The following CBR4 variants were observed in gnomAD, a reference collection of about 807,000 sequenced individuals.
CBR4 encodes the protein 3-oxoacyl-[acyl-carrier-protein] reductase.
Under a neutral mutation model 21.0 loss-of-function variants are expected in CBR4, and 22 were observed. The ratio of observed to expected loss-of-function variants is 1.05; its 90% CI spans 0.75 to 1.50. The LOEUF (loss-of-function observed/expected upper bound fraction) is 1.50. CBR4 is among the 40% of genes most tolerant of loss of function. CBR4 has a pLI of 0.00. For synonymous variants in CBR4, 100 were observed against 104.4 expected (o/e 0.96, Z 0.26); for missense variants, 302 against 286.3 (o/e 1.05, Z -0.40).
intron 3 of CBR4, among the ~76,000 whole-genome samples, chr4:169,006,132 C>A (rs1317361682): frequency 6.6e-6 from 1 of 152,150 alleles, no homozygotes. Context: ...TAAACCTCTA[C>A]ACAAGATTTA....
chr4:168,953,883 G>A (rs1051587648), intron 2 of CBR4, among the ~76,000 whole-genome samples: 23 of 152,056 alleles, frequency 1.5e-4, no homozygotes, highest in Non-Finnish European at 3.2e-4. Context: ...ATTTGTCCAA[G>A]CTCAAAGAAA....
At chr4:168,968,457 T>G (rs1290683658) in intron 2 of CBR4, among the ~76,000 whole-genome samples, 1 of 152,234 alleles carries the variant, frequency 6.6e-6, no homozygotes, top group East Asian at 1.9e-4. Context: ...ATGTATACTT[T>G]TGTCAATTCC....
chr4:168,986,551 G>GT (rs1048654560), downstream of CBR4, among the ~76,000 whole-genome samples: 2 of 152,164 alleles, frequency 1.3e-5, no homozygotes, highest in Admixed American at 6.5e-5. Context: ...GTTTTTTGTT[G>GT]TTTTTTTGTC....
chr4:168,956,488 TGTAGG>T (rs1560962176), intron 2 of CBR4, among the ~76,000 whole-genome samples: 1 of 149,084 alleles, frequency 6.7e-6, no homozygotes, highest in African/African-American at 2.5e-5. Context: ...GTCCCAGCTA[TGTAGG>T]AGGCTGAGGG....
intron 2 of CBR4, chr4:168,921,514 G>T: frequency 6.6e-7 from 1 of 1,519,070 alleles, no homozygotes; most frequent in Non-Finnish European, 9.0e-7. Flanking sequence ...AAATTTACAT[G>T]TATTTCTTTT....
intron 2 of CBR4, among the ~76,000 whole-genome samples, chr4:168,952,161 T>C (rs1319745031): frequency 6.6e-6 from 1 of 152,236 alleles, no homozygotes; most frequent in Non-Finnish European, 1.5e-5. Context: ...TTTGTAGACC[T>C]TGACTTCCAA....
chr4:168,941,949 C>T (rs962686951), intron 2 of CBR4, among the ~76,000 whole-genome samples: 4 of 152,008 alleles, frequency 2.6e-5, no homozygotes, highest in South Asian at 2.1e-4. Flanking sequence ...TTACTGCAGC[C>T]GTATTTACAG....
intron 2 of CBR4, among the ~76,000 whole-genome samples, chr4:168,944,608 T>C (rs772340195): frequency 6.6e-6 from 1 of 152,356 alleles, no homozygotes; most frequent in Admixed American, 6.5e-5. Flanking sequence ...CCATAAGGGA[T>C]AGTTTAATAA....
At position 168,922,100 on chromosome 4, in the gene CBR4, T is replaced by TACAC. The variant is rs1257662371; in HGVS notation, n.170-27336_170-27335insGTGT. On this transcript the variant is annotated intron_variant and non_coding_transcript_variant, in intron 2 of 3. Transcript: ENST00000509108. ...AGTTTTATATTTATATATATATATA[T>TACAC]ATACACACACACACACACACACACA... is the stretch of plus-strand genomic sequence containing the variant. Among the ~76,000 whole-genome samples the TACAC allele has an allele frequency of 9.5e-3, 920 of 96,564 alleles. 5 individuals are homozygous for TACAC. Among genetic ancestry groups the TACAC allele is most frequent in the Middle Eastern group, 0.026 (5 of 192 alleles). The allele number at this position is 96,564 out of a possible 152,430, so 63.3% of individuals were successfully genotyped here. A position where few individuals can be genotyped will look rare whatever the true frequency, so the allele number is the denominator to read the frequency against.
chr4:169,000,270 T>C lies in CBR4; in HGVS notation c.535+1801A>G, dbSNP rs111988172. Among the ~76,000 whole-genome samples the C allele has an allele frequency of 9.6e-4, 146 of 152,220 alleles. 1 individual carries two copies. Among genetic ancestry groups the C allele is most frequent in the African/African-American group, 3.4e-3 (141 of 41,554 alleles). On this transcript the variant is annotated intron_variant, in intron 4 of 4. Coordinates refer to ENST00000306193, the MANE Select transcript of CBR4 (RefSeq NM_032783.5). ...ACAACAATGCTGCTTCTGGATTGTT[T>C]TTTCTTTTTCTTTCTCTCCCTACTC...
At chr4:168,922,288 A>T (rs1356998266) in intron 2 of CBR4, among the ~76,000 whole-genome samples, 1 of 152,170 alleles carries the variant, frequency 6.6e-6, no homozygotes, top group East Asian at 1.9e-4. Flanking sequence ...GCCTAAAAGG[A>T]AAACACATTT....
At chr4:169,007,442 C>G (rs897138611) in intron 2 of CBR4, among the ~76,000 whole-genome samples, 194 bp downstream of exon 2, 1 of 152,042 alleles carries the variant, frequency 6.6e-6, no homozygotes, top group Admixed American at 6.5e-5. Context: ...ATGTTAAAAT[C>G]GACTCAACTG....
intron 4 of CBR4, among the ~76,000 whole-genome samples, chr4:168,997,128 G>A (rs906298320): frequency 1.5e-4 from 23 of 152,036 alleles, no homozygotes; most frequent in African/African-American, 5.3e-4. Context: ...TATTAACAAT[G>A]CCTTTCAAAC....
At chr4:168,990,429 AATT>A in intron 4 of CBR4, 101 bp from the exon 5 acceptor site, 2 of 1,211,938 alleles carry the variant, frequency 1.7e-6, no homozygotes, top group Admixed American at 3.5e-5. Flanking sequence ...TTTAATTTGA[AATT>A]ATTTAAAAAA....
At chr4:169,007,607 T>C in intron 2 of CBR4, 29 bp downstream of exon 2, 1 of 1,409,264 alleles carries the variant, frequency 7.1e-7, no homozygotes, top group Non-Finnish European at 9.4e-7. Context: ...AATATATATA[T>C]AAGAAACTTA....
At position 168,898,595 on chromosome 4, in the gene CBR4, G is replaced by T. The variant is rs759105985; in HGVS notation, n.170-3830C>A. 6 of 1,613,556 alleles carry T rather than the reference G, an allele frequency of 3.7e-6. No homozygotes were observed. Among genetic ancestry groups the T allele is most frequent in the Middle Eastern group, 1.6e-4 (1 of 6,084 alleles). ...ATCAGGTGATGAAGTTCAGTATGGA[G>T]ATGTGCCTGTGGAAAATGGAATGGC... is the stretch of plus-strand genomic sequence containing the variant. On this transcript the variant is annotated intron_variant and non_coding_transcript_variant, in intron 2 of 3. Coordinates refer to the CBR4 transcript ENST00000509108.
chr4:168,989,894 T>C lies in CBR4; in HGVS notation c.*256A>G, dbSNP rs555145534. 1.1e-5 allele frequency: 12 copies of C among 1,113,168 alleles called. No homozygotes were observed. In the Middle Eastern group the frequency reaches 1.1e-3, roughly 104 times the overall value. 69.0% of individuals were successfully genotyped at this position (1,113,168 alleles called of 1,614,324 possible). ...TGAATTGTGTATTTTAAATGTGTGA[T>C]TATATGGTATGTGAATTGTATCTCA... On this transcript the variant is annotated 3_prime_UTR_variant, in exon 5 of 5. Transcript: ENST00000306193.
intron 2 of CBR4, chr4:168,898,161 T>G: frequency 5.5e-6 from 2 of 364,448 alleles, no homozygotes; most frequent in Non-Finnish European, 1.0e-5. Context: ...ATTTTATTGT[T>G]ATCAACAGTT....
intron 1 of CBR4, among the ~76,000 whole-genome samples, chr4:169,009,401 C>A (rs1731197697): frequency 1.3e-5 from 2 of 152,246 alleles, no homozygotes; most frequent in African/African-American, 4.8e-5. Context: ...AGGTATATCT[C>A]AAAACTGGCT....
Sources: allele counts gnomAD v4.1 joint callset (sites outside exome capture counted in the v4.1 genomes callset), GRCh38; gene constraint gnomAD v4.1.1; transcripts MANE v1.5; gene names NCBI Gene and HGNC (gene_info 2026-07-23, HGNC 2026-07-21).